Variants in LRRTM3 observed in about 807,000 individuals in gnomAD.
LRRTM3 encodes the protein leucine rich repeat transmembrane neuronal 3.
Under a neutral mutation model 44.7 loss-of-function variants are expected in LRRTM3, and 24 were observed. The observed-to-expected ratio is 0.54, with a 90% CI of 0.39 to 0.76. The LOEUF (loss-of-function observed/expected upper bound fraction) is 0.76. Ranked by LOEUF, LRRTM3 falls within the 30% of genes least tolerant of loss-of-function variation. The pLI is 0.00. For missense variants in LRRTM3, 587 were observed against 702.2 expected (o/e 0.84, Z 1.85); for synonymous variants, 277 against 278.7 (o/e 0.99, Z 0.06).
intron 2 of LRRTM3, among the ~76,000 whole-genome samples, chr10:67,064,881 A>G (rs955426939): frequency 1.3e-5 from 2 of 152,214 alleles, no homozygotes; most frequent in African/African-American, 4.8e-5. Flanking sequence ...ATTTGCAGGT[A>G]CCTTTAAGCT....
intron 2 of LRRTM3, among the ~76,000 whole-genome samples, chr10:66,985,973 G>A (rs1396862246): frequency 6.6e-6 from 1 of 152,024 alleles, no homozygotes; most frequent in African/African-American, 2.4e-5. Context: ...TGATCCTCTG[G>A]CCTTGGCCTC....
chr10:66,950,407 C>T (rs912950925), intron 2 of LRRTM3, among the ~76,000 whole-genome samples: 1 of 151,868 alleles, frequency 6.6e-6, no homozygotes, highest in African/African-American at 2.4e-5. Flanking sequence ...TTGAGATATA[C>T]TATATGTTTA....
intron 2 of LRRTM3, among the ~76,000 whole-genome samples, chr10:66,962,407 T>C (rs1849160623): frequency 5.0e-5 from 7 of 139,728 alleles, no homozygotes. Context: ...TTGTTTTTTG[T>C]TTTTGTTTTT....
intron 2 of LRRTM3, among the ~76,000 whole-genome samples, chr10:66,990,727 A>C (rs952069168): frequency 2.6e-5 from 4 of 152,190 alleles, no homozygotes; most frequent in African/African-American, 9.6e-5. Flanking sequence ...GTTGAGATTC[A>C]TGTAGATAAT....
intron 2 of LRRTM3, among the ~76,000 whole-genome samples, chr10:66,973,702 C>A (rs910440603): frequency 2.4e-4 from 36 of 152,168 alleles, no homozygotes; most frequent in Admixed American, 1.8e-3. Flanking sequence ...CGGCTCACTG[C>A]AACCTCCATC....
At position 66,978,546 on chromosome 10, in the gene LRRTM3, A is replaced by T. The variant is rs1259933048; in HGVS notation, c.1536+50094A>T. On this transcript the variant is annotated intron_variant, in intron 2 of 2. Coordinates refer to ENST00000361320, the MANE Select transcript of LRRTM3 (RefSeq NM_178011.5). ...CATCTCAAAAAAAAAAAAAAAAAAA[A>T]AAAAAAATATATATATATATATATA... Among the ~76,000 whole-genome samples, 245 of 71,738 alleles carry T rather than the reference A, an allele frequency of 3.4e-3. 12 individuals carry two copies. The highest frequency in any genetic ancestry group is 6.0e-3 in the Non-Finnish European group (194 of 32,334). 47.1% of individuals were successfully genotyped at this position (71,738 alleles called of 152,430 possible). A position where few individuals can be genotyped will look rare whatever the true frequency, so the allele number is the denominator to read the frequency against.
chr10:66,952,021 C>T (rs1300821755), intron 2 of LRRTM3, among the ~76,000 whole-genome samples: 1 of 152,194 alleles, frequency 6.6e-6, no homozygotes, highest in African/African-American at 2.4e-5. Context: ...GCTTTCCTCT[C>T]ATTCCAGATC....
chr10:67,010,781 A>G (rs1852274168), intron 2 of LRRTM3, among the ~76,000 whole-genome samples: 1 of 152,194 alleles, frequency 6.6e-6, no homozygotes, highest in Non-Finnish European at 1.5e-5. Context: ...TCCTCCACAG[A>G]AAGGATTTGA....
intron 2 of LRRTM3, among the ~76,000 whole-genome samples, chr10:66,976,212 A>G (rs1270057692): frequency 6.6e-6 from 1 of 152,220 alleles, no homozygotes; most frequent in African/African-American, 2.4e-5. Context: ...AAGTATTTCT[A>G]ATAGTGCAGG....
intron 2 of LRRTM3, among the ~76,000 whole-genome samples, chr10:66,951,429 T>G (rs577489762): frequency 6.6e-6 from 1 of 152,278 alleles, no homozygotes; most frequent in East Asian, 1.9e-4. Flanking sequence ...CACCATATCT[T>G]TTAAATGGCT....
At chr10:66,974,311 A>C (rs1849899685) in intron 2 of LRRTM3, among the ~76,000 whole-genome samples, 1 of 152,226 alleles carries the variant, frequency 6.6e-6, no homozygotes, top group African/African-American at 2.4e-5. Context: ...GAGTAATCTA[A>C]AAAAGTGCTT....
At chr10:67,014,120 C>T (rs927684994) in intron 2 of LRRTM3, among the ~76,000 whole-genome samples, 21 of 152,134 alleles carry the variant, frequency 1.4e-4, no homozygotes, top group Non-Finnish European at 7.4e-5. Context: ...TTGTAGAAGT[C>T]GATCACTATT....
At chr10:67,070,129 C>T (rs1250976187) in intron 2 of LRRTM3, among the ~76,000 whole-genome samples, 1 of 152,102 alleles carries the variant, frequency 6.6e-6, no homozygotes, top group African/African-American at 2.4e-5. Context: ...ACTTAATTTG[C>T]ATTAGTATAA....
intron 2 of LRRTM3, among the ~76,000 whole-genome samples, chr10:66,967,343 TATAGATAG>T (rs72083996): frequency 1.2e-4 from 18 of 150,940 alleles, no homozygotes; most frequent in South Asian, 6.3e-4. Flanking sequence ...CATATATATA[TATAGATAG>T]ATAGATAGAT....
At position 66,957,460 on chromosome 10, in the gene LRRTM3, A is replaced by G. The variant is rs1848882177; in HGVS notation, c.1536+29008A>G. 3.9e-5 allele frequency among the ~76,000 whole-genome samples: 2 copies of G among 51,008 alleles called. 1 individual carries two copies. The highest frequency in any genetic ancestry group is 1.2e-4 in the Non-Finnish European group (2 of 16,656). 33.5% of individuals were successfully genotyped at this position (51,008 alleles called of 152,430 possible). On this transcript the variant is annotated intron_variant, in intron 2 of 2. Coordinates refer to ENST00000361320, the MANE Select transcript of LRRTM3 (RefSeq NM_178011.5). ...TATATATGCATATATATATATGCAT[A>G]TATATATATGTTTGATCCTGAAGGA...
intron 2 of LRRTM3, among the ~76,000 whole-genome samples, chr10:66,930,722 T>A (rs555540306): frequency 1.4e-4 from 22 of 152,304 alleles, no homozygotes; most frequent in African/African-American, 5.3e-4. Flanking sequence ...ACTTGGAATA[T>A]AAAATATGAT....
intron 2 of LRRTM3, among the ~76,000 whole-genome samples, chr10:67,072,997 A>G (rs1035037906): frequency 6.6e-6 from 1 of 152,144 alleles, no homozygotes; most frequent in South Asian, 2.1e-4. Flanking sequence ...AGTATCACTA[A>G]AAGTTTTGCT....
At chr10:67,083,640 C>G (rs1035927400) in intron 2 of LRRTM3, among the ~76,000 whole-genome samples, 1 of 152,134 alleles carries the variant, frequency 6.6e-6, no homozygotes, top group Non-Finnish European at 1.5e-5. Flanking sequence ...ACAATAAGAA[C>G]TTGTGCATGT....
At chr10:67,001,829 G>C (rs975904936) in intron 2 of LRRTM3, among the ~76,000 whole-genome samples, 1 of 152,140 alleles carries the variant, frequency 6.6e-6, no homozygotes, top group African/African-American at 2.4e-5. Context: ...TCTACTGACT[G>C]TATCTCTTCC....
Sources: allele counts gnomAD v4.1 joint callset (sites outside exome capture counted in the v4.1 genomes callset), GRCh38; gene constraint gnomAD v4.1.1; transcripts MANE v1.5; gene names NCBI Gene and HGNC (gene_info 2026-07-23, HGNC 2026-07-21).